Variants in ARHGAP36 observed in about 807,000 individuals in gnomAD.
ARHGAP36 encodes rho GTPase-activating protein 36.
ARHGAP36 carries 7 observed loss-of-function variants against 32.9 expected under a neutral mutation model. That is an observed-to-expected ratio of 0.21 (90% CI 0.12 to 0.40). ARHGAP36 has a LOEUF of 0.40. Among genes scored for constraint, ARHGAP36 ranks in the 10% least tolerant of loss-of-function variants. The pLI is 1.00. For missense variants in ARHGAP36, 383 were observed against 442.2 expected (o/e 0.87, Z 1.20); for synonymous variants, 165 against 168.3 (o/e 0.98, Z 0.15).
intron 1 of ARHGAP36, among the ~76,000 whole-genome samples, chrX:131,074,947 T>C (rs1450096666): frequency 1.8e-5 from 2 of 112,630 alleles, no homozygotes; most frequent in Non-Finnish European, 3.8e-5. Context: ...TCTCTGATCA[T>C]GAAAGACCCA....
chrX:131,086,780 C>T, intron 11 of ARHGAP36, 115 bp downstream of exon 11: 1 of 554,186 alleles, frequency 1.8e-6, no homozygotes, highest in Admixed American at 3.6e-5. Context: ...GAAGATGAGT[C>T]CTCTGAGGAA....
rs1262989018 is a variant in ARHGAP36, at chrX:131,084,231, A to T, written c.572A>T (p.Asp191Val). 1 of 1,204,407 alleles carries T rather than the reference A, an allele frequency of 8.3e-7. No homozygotes were observed. The highest frequency in any genetic ancestry group is 1.8e-5 in the African/African-American group (1 of 56,938). ...RRGRRGAVSV[D>V]SLAELEDGAL... Reference sequence around the variant, plus strand: ...TCTCCACAGGGTGCAGTGTCTGTGGATAGTCTGGCTGAGCTGGAAGACGGA... The same window carrying T: ...TCTCCACAGGGTGCAGTGTCTGTGGTTAGTCTGGCTGAGCTGGAAGACGGA... The change falls in exon 5 of 12, where the codon GAT becomes GTT. Residue 191 changes from aspartate to valine, a missense_variant. Asp to Val is a radical substitution (Grantham distance 152). Coordinates refer to ENST00000276211, the MANE Select transcript of ARHGAP36 (RefSeq NM_144967.4).
chrX:131,089,005 T>G lies in ARHGAP36; in HGVS notation c.*220T>G. 2.3e-6 allele frequency: 1 copy of G among 440,249 alleles called. No homozygotes were observed. The highest frequency in any genetic ancestry group is 3.5e-6 in the Non-Finnish European group (1 of 284,657). The allele number at this position is 440,249 out of a possible 1,213,427, so 36.3% of individuals were successfully genotyped here. On this transcript the variant is annotated 3_prime_UTR_variant, in exon 12 of 12. Transcript: ENST00000276211. ...TGGTAAAAGCAGAGATGTTTCTGTG[T>G]CATGCCCAAGCTCCCCGGTGCTACC...
At chrX:131,068,147 C>A (rs1367215574) in intron 1 of ARHGAP36, among the ~76,000 whole-genome samples, 1 of 111,910 alleles carries the variant, frequency 8.9e-6, no homozygotes, top group East Asian at 2.8e-4. Flanking sequence ...ACACACCACA[C>A]CAAGCACTCC....
chrX:131,080,538 G>A (rs1376585765), intron 1 of ARHGAP36, among the ~76,000 whole-genome samples: 2 of 112,409 alleles, frequency 1.8e-5, no homozygotes, highest in African/African-American at 6.5e-5. Flanking sequence ...AGAATGTGCG[G>A]GAAAGGATGC....
intron 1 of ARHGAP36, chrX:131,078,691 A>G: frequency 3.2e-6 from 3 of 949,910 alleles, no homozygotes; most frequent in Non-Finnish European, 2.7e-6. Context: ...GTCTGGGGAC[A>G]TTGGTCTTCC....
At chrX:131,068,302 C>A (rs896548814) in intron 1 of ARHGAP36, among the ~76,000 whole-genome samples, 20 of 110,149 alleles carry the variant, frequency 1.8e-4, no homozygotes, top group South Asian at 7.9e-4. Context: ...TCCCTTTGGG[C>A]GGAAGAGAAG....
Position 131,085,958 on chromosome X carries a change from G to A in ARHGAP36, c.1150G>A (p.Gly384Arg). The A allele has an allele frequency of 8.3e-7, 1 of 1,211,685 alleles. No homozygotes were observed. Among genetic ancestry groups the A allele is most frequent in the Non-Finnish European group, 1.1e-6 (1 of 895,472 alleles). Residue 384 changes from glycine (G) to arginine (R), a missense_variant, in exon 9 of 12, where the codon GGA (glycine) becomes AGA (arginine). Physicochemically the swap from Gly to Arg is moderately radical, Grantham distance 125. This residue lies in a region of ARHGAP36 where 227 missense variants were observed against 311.3 expected (regional missense o/e 0.73). Coordinates refer to ENST00000276211, the MANE Select transcript of ARHGAP36 (RefSeq NM_144967.4). The stretch of plus-strand genomic sequence containing the variant: ...TTCCACTAACTTGGCCTTGGTGTTT[G>A]GATCTGCTCTCCTGAAAAAAGGAAA... ...MTSTNLALVF[G>R]SALLKKGKFG... is the part of the protein sequence containing the mutation.
intron 1 of ARHGAP36, among the ~76,000 whole-genome samples, chrX:131,077,764 CATATATATATATAT>C (rs72142237): frequency 0.066 from 5,721 of 86,897 alleles, 345 homozygotes; most frequent in East Asian, 0.26. Flanking sequence ...CAAATAAAAT[CATATATATATATAT>C]ATATATATAT....
intron 1 of ARHGAP36, among the ~76,000 whole-genome samples, chrX:131,061,300 G>A (rs1194218623): frequency 9.0e-6 from 1 of 110,926 alleles, no homozygotes; most frequent in African/African-American, 3.3e-5. Flanking sequence ...CATGTGCCAC[G>A]TTGGTTTGCA....
intron 11 of ARHGAP36, 54 bp downstream of exon 11, chrX:131,086,719 G>A (rs993203911): frequency 3.1e-5 from 34 of 1,096,490 alleles, no homozygotes; most frequent in Admixed American, 4.7e-5. Context: ...CCTTGTTGAA[G>A]GTCAGGCCCT....
At position 131,083,022 on chromosome X, in the gene ARHGAP36, A is replaced by G; in HGVS notation, c.254-143A>G. On this transcript the variant is annotated intron_variant, in intron 2 of 11. Transcript: ENST00000276211. Reference sequence around the variant, plus strand: ...TAGGTGGGGAAACTGAGGCTCATAGAAAGCAAATTACTTTTCGCCCGCTGG... The same window carrying G: ...TAGGTGGGGAAACTGAGGCTCATAGGAAGCAAATTACTTTTCGCCCGCTGG... 7 of 486,774 alleles carry G rather than the reference A, an allele frequency of 1.4e-5. No individual in the cohort carries two copies. The South Asian group carries it at 2.5e-4, about 17-fold the overall frequency. The allele number at this position is 486,774 out of a possible 1,213,427, so 40.1% of individuals were successfully genotyped here.
Position 131,084,278 on chromosome X carries a change from C to A in ARHGAP36, c.619C>A (p.Gln207Lys). 8.3e-7 allele frequency: 1 copy of A among 1,211,783 alleles called. No individual in the cohort carries two copies. Among genetic ancestry groups the A allele is most frequent in the Non-Finnish European group, 1.1e-6 (1 of 895,399 alleles). ...CGGAGCCCTGCTGCTGCAGACCCTG[C>A]AGCTTTCAAAAATTTCCTTTCCAAT... Reference protein sequence around the residue: ...EDGALLLQTLQLSKISFPIGQ... With the variant: ...EDGALLLQTLKLSKISFPIGQ... The change falls in exon 5 of 12, where the codon CAG (glutamine) becomes AAG (lysine). Residue 207 changes from glutamine (Q) to lysine (K), a missense_variant. Physicochemically the swap from Gln to Lys is moderately conservative, Grantham distance 53. Coordinates refer to ENST00000276211, the MANE Select transcript of ARHGAP36 (RefSeq NM_144967.4).
At chrX:131,073,797 A>G (rs1273906191) in intron 1 of ARHGAP36, among the ~76,000 whole-genome samples, 1 of 111,715 alleles carries the variant, frequency 9.0e-6, no homozygotes, top group Non-Finnish European at 1.9e-5. Context: ...TGATTGCGTC[A>G]TAGCCATGAG....
At chrX:131,060,265 G>A (rs1172083272) in intron 1 of ARHGAP36, among the ~76,000 whole-genome samples, 1 of 112,020 alleles carries the variant, frequency 8.9e-6, no homozygotes, top group Non-Finnish European at 1.9e-5. Context: ...AGGCTTTCCA[G>A]CTGTGCCCCT....
intron 3 of ARHGAP36, 81 bp downstream of exon 3, chrX:131,083,311 T>G: frequency 1.0e-6 from 1 of 984,976 alleles, no homozygotes; most frequent in Non-Finnish European, 1.4e-6. Context: ...TATTGGAGAC[T>G]GGGTGGCGTC....
chrX:131,079,220 T>C (rs922360735), intron 1 of ARHGAP36, among the ~76,000 whole-genome samples: 4 of 111,934 alleles, frequency 3.6e-5, no homozygotes, highest in African/African-American at 1.3e-4. Context: ...GGACCTGCTA[T>C]TTTGAATGGG....
intron 11 of ARHGAP36, among the ~76,000 whole-genome samples, 181 bp from the exon 12 acceptor site, chrX:131,088,447 A>C: frequency 8.9e-6 from 1 of 112,012 alleles, no homozygotes; most frequent in Non-Finnish European, 1.9e-5. Context: ...CTAGATTCAG[A>C]GATCTGTGTT....
chrX:131,058,761 G>A (rs2079654231), intron 1 of ARHGAP36, among the ~76,000 whole-genome samples: 1 of 113,133 alleles, frequency 8.8e-6, no homozygotes. Context: ...GCGGCGTCCC[G>A]CAACTCAAGG....
Sources: allele counts gnomAD v4.1 joint callset (sites outside exome capture counted in the v4.1 genomes callset), GRCh38; gene constraint gnomAD v4.1.1; regional missense constraint gnomAD v4.1.1; transcripts MANE v1.5; gene names NCBI Gene and HGNC (gene_info 2026-07-23, HGNC 2026-07-21).